The following FSTL4 variants were observed in gnomAD, a reference collection of about 807,000 sequenced individuals.
The protein encoded by FSTL4 is follistatin like 4, also known as follistatin-related protein 4.
Under a neutral mutation model 78.2 loss-of-function variants are expected in FSTL4, and 28 were observed. That is an observed-to-expected ratio of 0.36 (90% CI 0.27 to 0.49). The LOEUF (loss-of-function observed/expected upper bound fraction) is 0.49. Among genes scored for constraint, FSTL4 ranks in the 20% least tolerant of loss-of-function variants. The pLI is 0.98. For synonymous variants in FSTL4, 422 were observed against 440.5 expected (o/e 0.96, Z 0.53); for missense variants, 922 against 1,084.9 (o/e 0.85, Z 2.11).
the FSTL4 span, among the ~76,000 whole-genome samples, chr5:133,828,445 T>C: frequency 6.6e-6 from 1 of 152,228 alleles, no homozygotes; most frequent in African/African-American, 2.4e-5. Context: ...ACTTTTATAA[T>C]GTGAAAAAGT....
chr5:133,339,019 G>A (rs866828021), intron 4 of FSTL4, among the ~76,000 whole-genome samples: 4 of 152,064 alleles, frequency 2.6e-5, no homozygotes, highest in Admixed American at 1.3e-4. Flanking sequence ...CACTGCCTTC[G>A]GGCTGGAGCC....
the FSTL4 span, among the ~76,000 whole-genome samples, chr5:133,824,295 C>T: frequency 1.1e-4 from 17 of 152,216 alleles, no homozygotes; most frequent in African/African-American, 4.1e-4. Context: ...TTCCCACAGC[C>T]CCCTCCTTGG....
chr5:133,837,979 C>T, the FSTL4 span, among the ~76,000 whole-genome samples: 1 of 152,146 alleles, frequency 6.6e-6, no homozygotes, highest in Non-Finnish European at 1.5e-5. Context: ...CCTCTGTCTC[C>T]CAGGTTCAAG....
chr5:133,281,302 C>CAACAGT (rs1753004776), intron 6 of FSTL4, among the ~76,000 whole-genome samples: 1 of 152,130 alleles, frequency 6.6e-6, no homozygotes, highest in Non-Finnish European at 1.5e-5. Flanking sequence ...CTGACTGTTG[C>CAACAGT]CTGAAACCCT....
intron 3 of FSTL4, among the ~76,000 whole-genome samples, chr5:133,428,773 T>C (rs1756879521): frequency 6.6e-6 from 1 of 152,180 alleles, no homozygotes; most frequent in Admixed American, 6.5e-5. Flanking sequence ...AAACTTAACA[T>C]GACTCTTCCA....
chr5:133,360,097 C>T (rs1025043138), intron 4 of FSTL4, among the ~76,000 whole-genome samples: 2 of 152,262 alleles, frequency 1.3e-5, no homozygotes, highest in African/African-American at 4.8e-5. Flanking sequence ...GCCTCCCTTC[C>T]CTGCAGGGCT....
At chr5:133,316,855 A>G (rs1477903178) in intron 4 of FSTL4, among the ~76,000 whole-genome samples, 1 of 142,096 alleles carries the variant, frequency 7.0e-6, no homozygotes, top group African/African-American at 2.5e-5. Context: ...CATGGAATGC[A>G]TGCTACACAT....
intron 5 of FSTL4, among the ~76,000 whole-genome samples, chr5:133,316,164 G>A (rs985698370): frequency 3.7e-4 from 57 of 152,218 alleles, no homozygotes; most frequent in Non-Finnish European, 7.3e-5. Flanking sequence ...CTGCTTCCTT[G>A]TAACTTTTCT....
chr5:133,436,422 G>A (rs1270461079), intron 3 of FSTL4, among the ~76,000 whole-genome samples: 2 of 152,248 alleles, frequency 1.3e-5, no homozygotes, highest in East Asian at 3.9e-4. Context: ...GGTTAGGCAT[G>A]GAGAACAAAG....
intron 4 of FSTL4, among the ~76,000 whole-genome samples, chr5:133,317,589 A>G (rs567479602): frequency 6.6e-6 from 1 of 152,344 alleles, no homozygotes; most frequent in East Asian, 1.9e-4. Context: ...AGGCCAGTTT[A>G]GGGCCTGAGA....
At chr5:133,452,652 C>T (rs1757408283) in intron 3 of FSTL4, among the ~76,000 whole-genome samples, 6 of 151,768 alleles carry the variant, frequency 4.0e-5, no homozygotes, top group Admixed American at 3.3e-4. Context: ...AATTGAGGCT[C>T]AAAGAGGTTA....
chr5:133,377,045 C>A (rs1439762055), intron 4 of FSTL4, among the ~76,000 whole-genome samples: 1 of 152,132 alleles, frequency 6.6e-6, no homozygotes, highest in Non-Finnish European at 1.5e-5. Flanking sequence ...TCCCTCTTCC[C>A]CAGCTTCCAG....
chr5:133,775,038 G>T, the FSTL4 span, among the ~76,000 whole-genome samples: 4 of 152,174 alleles, frequency 2.6e-5, no homozygotes, highest in Non-Finnish European at 4.4e-5. Context: ...AGCACAACTT[G>T]ATTGAGCCTC....
Position 133,334,413 on chromosome 5 carries a change from C to T in FSTL4, c.410-17761G>A, listed in dbSNP as rs575252986. On this transcript the variant is annotated intron_variant, in intron 4 of 15. Coordinates refer to ENST00000265342, the MANE Select transcript of FSTL4 (RefSeq NM_015082.2). Reference sequence around the variant, plus strand: ...ACCCTTCTGCTTTGTCACAGTCATGCCCTCTCCTCTTTCAAAAGGCCACCT... The same window carrying T: ...ACCCTTCTGCTTTGTCACAGTCATGTCCTCTCCTCTTTCAAAAGGCCACCT... Among the ~76,000 whole-genome samples the T allele has an allele frequency of 3.3e-5, 5 of 152,244 alleles. No individual in the cohort carries two copies. The South Asian group carries it at 8.3e-4, about 25-fold the overall frequency.
intron 4 of FSTL4, among the ~76,000 whole-genome samples, chr5:133,383,430 T>C (rs978630270): frequency 1.3e-5 from 2 of 152,220 alleles, no homozygotes; most frequent in Non-Finnish European, 2.9e-5. Flanking sequence ...AGAGCCTTTC[T>C]GAAGGACGTG....
intron 3 of FSTL4, among the ~76,000 whole-genome samples, chr5:133,463,874 C>A (rs549264418): frequency 1.5e-4 from 23 of 152,228 alleles, no homozygotes; most frequent in Non-Finnish European, 2.4e-4. Context: ...GAAGGACCAG[C>A]AAAGTTAGGT....
At chr5:133,437,323 G>A (rs114737286) in intron 3 of FSTL4, among the ~76,000 whole-genome samples, 2,453 of 152,160 alleles carry the variant, frequency 0.016, 28 homozygotes, top group Non-Finnish European at 0.026. Flanking sequence ...CACCGCACTT[G>A]GGCACTATTT....
intron 3 of FSTL4, among the ~76,000 whole-genome samples, chr5:133,443,162 T>C (rs1200408690): frequency 6.6e-6 from 1 of 152,228 alleles, no homozygotes; most frequent in Non-Finnish European, 1.5e-5. Context: ...ACATTCTAAT[T>C]AGAAATCAAA....
the FSTL4 span, among the ~76,000 whole-genome samples, chr5:133,794,750 C>G: frequency 6.6e-6 from 1 of 152,196 alleles, no homozygotes; most frequent in Non-Finnish European, 1.5e-5. Context: ...AGACTCCCAA[C>G]CCAGCACTGT....
Sources: allele counts gnomAD v4.1 joint callset (sites outside exome capture counted in the v4.1 genomes callset), GRCh38; gene constraint gnomAD v4.1.1; transcripts MANE v1.5; gene names NCBI Gene and HGNC (gene_info 2026-07-23, HGNC 2026-07-21).